CSK: variants seen among roughly 807,000 people sequenced by gnomAD.
CSK encodes the protein tyrosine-protein kinase CSK.
A neutral mutation model predicts 62.3 loss-of-function variants in CSK; 7 were observed. The observed-to-expected ratio is 0.11, with a 90% CI of 0.06 to 0.21. The LOEUF (loss-of-function observed/expected upper bound fraction) is 0.21. Ranked by LOEUF, CSK falls within the 10% of genes least tolerant of loss-of-function variation. The probability of loss-of-function intolerance (pLI) is 1.00; values close to 1 mark genes in which losing one functional copy is unlikely to be tolerated. For missense variants in CSK, 294 were observed against 613.5 expected, an observed-to-expected ratio of 0.48 and a Z score of 5.50; for synonymous variants, 237 against 246.0, an observed-to-expected ratio of 0.96 and a Z score of 0.34.
chr15:74,797,174 G>C (rs1389268130), intron 1 of CSK, among the ~76,000 whole-genome samples: 2 of 152,112 alleles, frequency 1.3e-5, no homozygotes, highest in Non-Finnish European at 1.5e-5. Context: ...ACTCCTCCTG[G>C]GTTTAAGCCA....
chr15:74,789,681 A>G (rs922555913), intron 1 of CSK, among the ~76,000 whole-genome samples: 3 of 152,026 alleles, frequency 2.0e-5, no homozygotes, highest in Non-Finnish European at 4.4e-5. Context: ...CTCGCTCTGT[A>G]CCACAGTTTG....
chr15:74,790,607 C>T (rs1305715665), intron 1 of CSK, among the ~76,000 whole-genome samples: 1 of 152,256 alleles, frequency 6.6e-6, no homozygotes, highest in Non-Finnish European at 1.5e-5. Context: ...CCCTTGTCCC[C>T]TAGCCCTGCG....
In CSK at chr15:74,799,482, G is replaced by A. The variant is rs750164772; in HGVS notation, c.453G>A (p.Gln151=). The A allele has an allele frequency of 6.2e-7, 1 of 1,612,734 alleles. No homozygotes were observed. Among genetic ancestry groups the A allele is most frequent in the Non-Finnish European group, 8.5e-7 (1 of 1,179,850 alleles). The change falls in exon 5 of 13, where the codon CAG becomes CAA. Residue 151 remains glutamine, a synonymous_variant. Coordinates refer to ENST00000220003, the MANE Select transcript of CSK (RefSeq NM_004383.3). ...DEEVYFENLM[Q]LVEHYTSDAD... ...AGGTGTACTTTGAGAACCTCATGCA[G>A]CTGGTGGAGGTGAGCTGGGGGGTAC...
chr15:74,797,093 T>C (rs1403458770), intron 1 of CSK, among the ~76,000 whole-genome samples: 1 of 152,116 alleles, frequency 6.6e-6, no homozygotes, highest in African/African-American at 2.4e-5. Context: ...AAGCACGCAG[T>C]ACCACCCCCG....
In CSK at chr15:74,787,778, G is replaced by C. The variant is rs189641736; in HGVS notation, c.-66+5058G>C. On this transcript the variant is annotated intron_variant, in intron 1 of 12. Coordinates refer to ENST00000220003, the MANE Select transcript of CSK (RefSeq NM_004383.3). ...TCATGGCATGGTTGTAAGCCTCGTG[G>C]GCAGGCGAAAACCTGGGCATCATCT... is the stretch of plus-strand genomic sequence containing the variant. Among the ~76,000 whole-genome samples the C allele has an allele frequency of 1.7e-3, 253 of 152,258 alleles. 1 individual carries two copies. Among genetic ancestry groups the C allele is most frequent in the Admixed American group, 3.7e-3 (56 of 15,306 alleles).
At position 74,799,061 on chromosome 15, in the gene CSK, G is replaced by T. The variant is rs1025056010; in HGVS notation, c.242+123G>T. 2.0e-5 allele frequency: 21 copies of T among 1,046,790 alleles called. No homozygotes were observed. The African/African-American group carries it at 2.8e-4, about 14-fold the overall frequency. The allele number at this position is 1,046,790 out of a possible 1,614,324, so 64.8% of individuals were successfully genotyped here. A position where few individuals can be genotyped will look rare whatever the true frequency, so the allele number is the denominator to read the frequency against. On this transcript the variant is annotated intron_variant, in intron 4 of 12. Coordinates refer to ENST00000220003, the MANE Select transcript of CSK (RefSeq NM_004383.3). Reference sequence around the variant, plus strand: ...GTTGGGGAGGGCCTCAGGAGGAGGTGCAGGGTGCGGGTGCGGGACCTCACA... The same window carrying T: ...GTTGGGGAGGGCCTCAGGAGGAGGTTCAGGGTGCGGGTGCGGGACCTCACA...
At chr15:74,783,001 G>C (rs971916776) in intron 1 of CSK, among the ~76,000 whole-genome samples, 1 of 152,236 alleles carries the variant, frequency 6.6e-6, no homozygotes, top group African/African-American at 2.4e-5. Flanking sequence ...CAGAGTAGGA[G>C]GTGGCTGGAG....
chr15:74,791,771 G>C (rs1384695443), intron 1 of CSK, among the ~76,000 whole-genome samples: 1 of 152,198 alleles, frequency 6.6e-6, no homozygotes, highest in Non-Finnish European at 1.5e-5. Flanking sequence ...GCTTCTCCCT[G>C]GTTGGAGTCA....
In CSK at chr15:74,786,579, A is replaced by G. The variant is rs530220910; in HGVS notation, c.-66+3859A>G. ...AGCTTCCCAGGAGGGAGTTGGACACATCGGGAAACTCATGTTAGCCTCCCC... is the reference window on the plus strand; with the variant it reads ...AGCTTCCCAGGAGGGAGTTGGACACGTCGGGAAACTCATGTTAGCCTCCCC... On this transcript the variant is annotated intron_variant, in intron 1 of 12. Coordinates refer to ENST00000220003, the MANE Select transcript of CSK (RefSeq NM_004383.3). Among the ~76,000 whole-genome samples, 35 of 152,274 alleles carry G rather than the reference A, an allele frequency of 2.3e-4. 1 individual carries two copies. The South Asian group carries it at 3.9e-3, about 17-fold the overall frequency.
At chr15:74,784,246 A>G (rs1177187775) in intron 1 of CSK, among the ~76,000 whole-genome samples, 1 of 151,862 alleles carries the variant, frequency 6.6e-6, no homozygotes, top group South Asian at 2.1e-4. Flanking sequence ...CTGTCCTGAC[A>G]TGCACAGTGG....
chr15:74,794,981 C>T (rs1235252961), intron 1 of CSK, among the ~76,000 whole-genome samples: 5 of 152,276 alleles, frequency 3.3e-5, no homozygotes, highest in South Asian at 2.1e-4. Context: ...CCCTGAGCAG[C>T]GGTGCTCAAG....
intron 1 of CSK, among the ~76,000 whole-genome samples, chr15:74,785,998 C>CTTTTTTTTTTTTTTT (rs1297278876): frequency 4.5e-5 from 2 of 44,908 alleles, no homozygotes; most frequent in Non-Finnish European, 1.2e-4. Context: ...CTCTCTCTCT[C>CTTTTTTTTTTTTTTT]TCTCTTTTTT....
rs2063740101 is a variant in CSK, at chr15:74,798,522, A to G, written c.16-93A>G. On this transcript the variant is annotated intron_variant, in intron 2 of 12. Coordinates refer to ENST00000220003, the MANE Select transcript of CSK (RefSeq NM_004383.3). This position sits in a 1 kb window ranked among gnomAD's most constrained non-coding sequence, Gnocchi z 6.6. ...CAGAGCACCTCACCCAGGCTCACAG[A>G]GGCCAGCTCAGAGGCTGTGACCACG... 7.6e-7 allele frequency: 1 copy of G among 1,321,770 alleles called. No homozygotes were observed. Among genetic ancestry groups the G allele is most frequent in the Non-Finnish European group, 1.1e-6 (1 of 932,640 alleles). 81.9% of individuals were successfully genotyped at this position (1,321,770 alleles called of 1,614,324 possible). A position where few individuals can be genotyped will look rare whatever the true frequency, so the allele number is the denominator to read the frequency against.
chr15:74,787,435 GAA>G (rs112397880), intron 1 of CSK, among the ~76,000 whole-genome samples: 1 of 151,728 alleles, frequency 6.6e-6, no homozygotes, highest in African/African-American at 2.4e-5. Flanking sequence ...GGACCCATTA[GAA>G]AAAAAATCCC....
intron 12 of CSK, 124 bp downstream of exon 12, chr15:74,802,207 C>T (rs1395961445): frequency 7.2e-6 from 10 of 1,389,198 alleles, no homozygotes; most frequent in African/African-American, 2.9e-5. Flanking sequence ...CCCTGGGGAG[C>T]TCACAGGCCA....
At position 74,800,934 on chromosome 15, in the gene CSK, C is replaced by T. The variant is rs765650994; in HGVS notation, c.722+12C>T. Reference sequence around the variant, plus strand: ...GCCTCAGTCATGACGTGAGTGGGGGCGGGGTAGGGGGGAGGTTGGCCTAGG... The same window carrying T: ...GCCTCAGTCATGACGTGAGTGGGGGTGGGGTAGGGGGGAGGTTGGCCTAGG... On this transcript the variant is annotated intron_variant, in intron 8 of 12. Transcript: ENST00000220003. 28 of 1,612,394 alleles carry T rather than the reference C, an allele frequency of 1.7e-5. No homozygotes were observed. The highest frequency in any genetic ancestry group is 4.5e-5 in the East Asian group (2 of 44,894).
chr15:74,798,138 C>T lies in CSK; in HGVS notation c.-65-95C>T, dbSNP rs963630934. On this transcript the variant is annotated intron_variant, in intron 1 of 12. Coordinates refer to ENST00000220003, the MANE Select transcript of CSK (RefSeq NM_004383.3). This position sits in a 1 kb window ranked among gnomAD's most constrained non-coding sequence, Gnocchi z 6.6. ...GTGTCAAATCCCAGCGCAGGACACTCTTGGCACCTGTTCATGCCCAGTGAG... is the reference window on the plus strand; with the variant it reads ...GTGTCAAATCCCAGCGCAGGACACTTTTGGCACCTGTTCATGCCCAGTGAG... The T allele has an allele frequency of 4.1e-5, 29 of 710,058 alleles. No homozygotes were observed. The African/African-American group carries it at 5.0e-4, about 12-fold the overall frequency. 44.0% of individuals were successfully genotyped at this position (710,058 alleles called of 1,614,324 possible). A position where few individuals can be genotyped will look rare whatever the true frequency, so the allele number is the denominator to read the frequency against.
Position 74,800,789 on chromosome 15 carries a change from G to A in CSK, c.623-34G>A, listed in dbSNP as rs185393744. On this transcript the variant is annotated intron_variant, in intron 7 of 12. Transcript: ENST00000220003. ...CCCTGGGGGGGTTCTGAGGGACTCCGAACTTGGGAACAAGACCACCTCTCT... is the reference window on the plus strand; with the variant it reads ...CCCTGGGGGGGTTCTGAGGGACTCCAAACTTGGGAACAAGACCACCTCTCT... The A allele has an allele frequency of 5.4e-4, 861 of 1,596,598 alleles. 7 individuals are homozygous for A. The highest frequency in any genetic ancestry group is 1.1e-4 in the Admixed American group (6 of 57,002).
At chr15:74,795,789 C>T (rs1291088000) in intron 1 of CSK, among the ~76,000 whole-genome samples, 1 of 152,106 alleles carries the variant, frequency 6.6e-6, no homozygotes, top group Non-Finnish European at 1.5e-5. Context: ...ACTTTTGACT[C>T]CTCAAAAACT....
Sources: gnomAD v4.1 joint callset for allele counts (sites outside exome capture counted in the v4.1 genomes callset) on GRCh38, gnomAD v4.1.1 for gene constraint, Gnocchi (gnomAD v3.1) non-coding constraint, MANE v1.5 for transcripts, NCBI Gene and HGNC (gene_info 2026-07-23, HGNC 2026-07-21) for gene names.